MICALL2: variants seen among roughly 807,000 people sequenced by gnomAD.
MICALL2 encodes the protein MICAL like 2.
In MICALL2, 111 loss-of-function variants were observed where a neutral mutation model predicts 91.1. The ratio of observed to expected loss-of-function variants is 1.22; its 90% CI spans 1.04 to 1.43. MICALL2 has a LOEUF of 1.43. MICALL2 is among the 40% of genes most tolerant of loss of function. The probability of loss-of-function intolerance (pLI) is 0.00; values close to 1 mark genes in which losing one functional copy is unlikely to be tolerated. For synonymous variants in MICALL2, 694 were observed against 525.3 expected, an observed-to-expected ratio of 1.32 and a Z score of -4.39; for missense variants, 1,556 against 1,236.0, an observed-to-expected ratio of 1.26 and a Z score of -3.88.
intron 6 of MICALL2, among the ~76,000 whole-genome samples, chr7:1,442,747 G>A (rs1371327337): frequency 1.3e-5 from 2 of 151,830 alleles, no homozygotes; most frequent in African/African-American, 2.4e-5. Flanking sequence ...ACAGGCCACA[G>A]ACACCTGTTT....
Position 1,445,126 on chromosome 7 carries a change from T to A in MICALL2, c.944A>T (p.His315Leu). The A allele has an allele frequency of 2.6e-6, 4 of 1,560,258 alleles. No homozygotes were observed. Among genetic ancestry groups the A allele is most frequent in the Non-Finnish European group, 3.5e-6 (4 of 1,153,178 alleles). ...NPAATSATSV[H>L]VRSPARPSES... ...AGAGGGCCTGGCTGGGCTCCTCACG[T>A]GGACGGACGTGGCGCTGGTGGCTGC... The change falls in exon 6 of 17, where the codon CAC becomes CTC. Residue 315 changes from histidine (H) to leucine (L), a missense_variant. By Grantham distance (99) the His-to-Leu change is moderately conservative (BLOSUM62 -3). Transcript: ENST00000297508.
intron 2 of MICALL2, 59 bp downstream of exon 2, chr7:1,450,181 T>C (rs1257603069): frequency 1.3e-5 from 19 of 1,420,654 alleles, no homozygotes; most frequent in Non-Finnish European, 1.8e-5. Context: ...CCCTCGGACG[T>C]GGGTGGGGCT....
At chr7:1,435,073 C>A (rs752716581) in intron 16 of MICALL2, 28 bp downstream of exon 16, 1 of 1,611,030 alleles carries the variant, frequency 6.2e-7, no homozygotes, top group East Asian at 2.2e-5. Context: ...CCAGCCAGCC[C>A]AGCCCTCAGC....
In MICALL2 at chr7:1,436,858, T is replaced by C. The variant is rs1779991433; in HGVS notation, c.2477-2A>G. 1.3e-6 allele frequency: 2 copies of C among 1,578,268 alleles called. No individual in the cohort carries two copies. The highest frequency in any genetic ancestry group is 2.4e-5 in the East Asian group (1 of 42,498). ...GCTCCTGCAGTGACTTCAGAGCCTC[T>C]GTGGGGATGGCTCGTCAGCAGGAGC... is the stretch of plus-strand genomic sequence containing the variant. On this transcript the variant is annotated splice_acceptor_variant, in intron 14 of 16. Transcript: ENST00000297508. LOFTEE classifies it high-confidence loss of function.
Position 1,439,944 on chromosome 7 carries a change from G to A in MICALL2, c.1947C>T (p.Ser649=), listed in dbSNP as rs267601383. Residue 649 remains serine, a synonymous_variant, in exon 9 of 17, where the codon AGC becomes AGT. Transcript: ENST00000297508. The stretch of plus-strand genomic sequence containing the variant: ...GAGTACCTGGGAGGCTGGGTCCTGG[G>A]CTGGCTGGGCGTGGGGTCCTGTCAG... ...VRPDRTPRPA[S]PGPSLPARSP... 1 of 1,489,824 alleles carries A rather than the reference G, an allele frequency of 6.7e-7. No individual in the cohort carries two copies. The allele number at this position is 1,489,824 out of a possible 1,614,324, so 92.3% of individuals were successfully genotyped here.
chr7:1,454,595 G>A (rs554592157), intron 1 of MICALL2, among the ~76,000 whole-genome samples: 32 of 152,330 alleles, frequency 2.1e-4, no homozygotes, highest in Admixed American at 3.9e-4. Flanking sequence ...TCCCGCGCCC[G>A]TCCTGGAGGG....
intron 6 of MICALL2, among the ~76,000 whole-genome samples, chr7:1,443,269 AC>A (rs1337734002): frequency 3.5e-5 from 5 of 142,400 alleles, no homozygotes; most frequent in South Asian, 2.4e-4. Context: ...TGCCCTGGAC[AC>A]CCCCCAGTGC....
In MICALL2 at chr7:1,439,611, TCA is replaced by T. The variant is rs972855394; in HGVS notation, c.1966+312_1966+313del. On this transcript the variant is annotated intron_variant, in intron 9 of 16. Transcript: ENST00000297508. ...CACATGAATACACATGCATCACACATCACATACATGAACAGACACATGGACAT... is the reference window on the plus strand; with the variant it reads ...CACATGAATACACATGCATCACACATCATACATGAACAGACACATGGACAT... 52 of 287,964 alleles carry T rather than the reference TCA, an allele frequency of 1.8e-4. No individual in the cohort carries two copies. The Admixed American group carries it at 2.2e-3, about 12-fold the overall frequency. 17.8% of individuals were successfully genotyped at this position (287,964 alleles called of 1,614,324 possible). A position where few individuals can be genotyped will look rare whatever the true frequency, so the allele number is the denominator to read the frequency against.
rs374209131 is a variant in MICALL2 at position 1,448,613 on chromosome 7, G to A, written c.334+7C>T. On this transcript the variant is annotated splice_region_variant and intron_variant, in intron 3 of 16. Coordinates refer to ENST00000297508, the MANE Select transcript of MICALL2 (RefSeq NM_182924.4). The stretch of plus-strand genomic sequence containing the variant: ...TGCCTGGCTCGGCGGGCGCGGCAGG[G>A]ACTCACTGGGGGAGCGGCCGTGGAA... 1 of 1,612,538 alleles carries A rather than the reference G, an allele frequency of 6.2e-7. No homozygotes were observed. Among genetic ancestry groups the A allele is most frequent in the South Asian group, 1.1e-5 (1 of 91,060 alleles).
chr7:1,450,291 G>A lies in MICALL2; in HGVS notation c.144-3C>T. The A allele has an allele frequency of 6.2e-7, 1 of 1,612,602 alleles. No individual in the cohort carries two copies. The highest frequency in any genetic ancestry group is 8.5e-7 in the Non-Finnish European group (1 of 1,179,450). ...CCTTCTTGAGAGCACTGAAGTTTCT[G>A]GAAGATAAAAACATGATGTCCAAAG... On this transcript the variant is annotated splice_region_variant and splice_polypyrimidine_tract_variant and intron_variant, in intron 1 of 16. Coordinates refer to ENST00000297508, the MANE Select transcript of MICALL2 (RefSeq NM_182924.4).
rs558898691 is a variant in MICALL2 at position 1,456,611 on chromosome 7, G to A, written c.143+2573C>T. On this transcript the variant is annotated intron_variant, in intron 1 of 16. Coordinates refer to ENST00000297508, the MANE Select transcript of MICALL2 (RefSeq NM_182924.4). ...AAATAAATAAATAAATAAATAAATA[G>A]ATAAAATTAAATTAAAAATAAGAAA... Among the ~76,000 whole-genome samples, 283 of 149,576 alleles carry A rather than the reference G, an allele frequency of 1.9e-3. 2 individuals carry two copies. The South Asian group carries it at 0.021, about 11-fold the overall frequency.
intron 5 of MICALL2, 161 bp downstream of exon 5, chr7:1,446,552 G>A (rs1364698274): frequency 1.0e-4 from 58 of 567,046 alleles, no homozygotes; most frequent in Admixed American, 1.0e-4. Context: ...GGAGGCGGGA[G>A]GAGGGGAGAC....
chr7:1,435,058 C>A (rs1584190485), intron 16 of MICALL2, 43 bp downstream of exon 16: 3 of 1,607,176 alleles, frequency 1.9e-6, no homozygotes. Flanking sequence ...CCCCGGCCCA[C>A]CCAGCCAGCC....
intron 1 of MICALL2, among the ~76,000 whole-genome samples, chr7:1,457,413 C>T (rs1186278901): frequency 4.6e-5 from 7 of 152,212 alleles, no homozygotes; most frequent in Non-Finnish European, 8.8e-5. Context: ...CTCCCGCCTC[C>T]TTCCTGTTCT....
intron 1 of MICALL2, among the ~76,000 whole-genome samples, chr7:1,453,401 G>T (rs1780905594): frequency 1.3e-5 from 2 of 152,152 alleles, no homozygotes; most frequent in African/African-American, 4.8e-5. Context: ...CCAGAGCCAA[G>T]GAGAGAGGCC....
Position 1,444,662 on chromosome 7 carries a change from C to A in MICALL2, c.1408G>T (p.Ala470Ser), listed in dbSNP as rs1366621186. Reference protein sequence around the residue: ...LSALEEAGAPAPGRPSPATAA... With the variant: ...LSALEEAGAPSPGRPSPATAA... ...TCCCCACGCGCTCACCTGCCAGGCGCCGGAGCGCCAGCCTCTTCCAGCGCT... is the reference window on the plus strand; with the variant it reads ...TCCCCACGCGCTCACCTGCCAGGCGACGGAGCGCCAGCCTCTTCCAGCGCT... Residue 470 changes from alanine to serine, a missense_variant, in exon 6 of 17, where the codon GCG becomes TCG. By Grantham distance (99) the Ala-to-Ser change is moderately conservative. Coordinates refer to ENST00000297508, the MANE Select transcript of MICALL2 (RefSeq NM_182924.4). 1.2e-6 allele frequency: 2 copies of A among 1,610,294 alleles called. No individual in the cohort carries two copies. Among genetic ancestry groups the A allele is most frequent in the Non-Finnish European group, 8.5e-7 (1 of 1,179,626 alleles).
At chr7:1,447,937 G>T (rs556592628) in intron 3 of MICALL2, 172 bp from the exon 4 acceptor site, 4 of 478,640 alleles carry the variant, frequency 8.4e-6, no homozygotes, top group Non-Finnish European at 1.5e-5. Context: ...GCCCCGGGTC[G>T]GTCCCCACTC....
At chr7:1,449,423 C>T (rs1042375960) in intron 2 of MICALL2, among the ~76,000 whole-genome samples, 1 of 152,264 alleles carries the variant, frequency 6.6e-6, no homozygotes, top group African/African-American at 2.4e-5. Context: ...AATTCTCCTG[C>T]CTCAGCCTCC....
chr7:1,445,285 G>A lies in MICALL2; in HGVS notation c.785C>T (p.Ala262Val), dbSNP rs745848246. Residue 262 changes from alanine to valine, a missense_variant, in exon 6 of 17, where the codon GCC becomes GTC. Physicochemically the swap from Ala to Val is moderately conservative, Grantham distance 64. Transcript: ENST00000297508. ...GGAGGTCCTGGAATCCACACCCATG[G>A]CCCCTGGCTGTCGGGGGACCAGACC... ...LTGLVPRQPG[A>V]MGVDSRTSCS... is the part of the protein sequence containing the mutation. The A allele has an allele frequency of 1.2e-6, 2 of 1,612,346 alleles. No individual in the cohort carries two copies. Among genetic ancestry groups the A allele is most frequent in the Non-Finnish European group, 1.7e-6 (2 of 1,179,840 alleles).
Sources: gnomAD v4.1 joint callset for allele counts (sites outside exome capture counted in the v4.1 genomes callset) on GRCh38, gnomAD v4.1.1 for gene constraint, MANE v1.5 for transcripts, NCBI Gene and HGNC (gene_info 2026-07-23, HGNC 2026-07-21) for gene names.